GRIN2A: variants seen among roughly 807,000 people sequenced by gnomAD.
GRIN2A encodes glutamate ionotropic receptor NMDA type subunit 2A.
GRIN2A carries 22 observed loss-of-function variants against 113.4 expected under a neutral mutation model. The observed-to-expected ratio is 0.19, with a 90% CI of 0.14 to 0.28. The LOEUF is 0.28. Ranked by LOEUF, GRIN2A falls within the 10% of genes least tolerant of loss-of-function variation. GRIN2A has a pLI of 1.00. For synonymous variants in GRIN2A, 827 were observed against 738.4 expected (o/e 1.12, Z -1.94); for missense variants, 1,502 against 1,887.0 (o/e 0.80, Z 3.78).
At chr16:10,051,190 G>C (rs1042784178) in intron 2 of GRIN2A, among the ~76,000 whole-genome samples, 1 of 152,170 alleles carries the variant, frequency 6.6e-6, no homozygotes, top group African/African-American at 2.4e-5. Flanking sequence ...TGGGATTTTG[G>C]TGCTATAAGG....
chr16:9,971,726 A>G (rs779648313), intron 2 of GRIN2A, among the ~76,000 whole-genome samples: 2 of 152,212 alleles, frequency 1.3e-5, no homozygotes, highest in Non-Finnish European at 2.9e-5. Context: ...ACAGCAGAAG[A>G]TAGCCAGAGT....
chr16:10,042,873 G>A (rs979191514), intron 2 of GRIN2A, among the ~76,000 whole-genome samples: 3 of 152,168 alleles, frequency 2.0e-5, no homozygotes, highest in Admixed American at 1.3e-4. Flanking sequence ...TTTGGAACCA[G>A]CCTATGAGTA....
chr16:9,939,838 G>T (rs1305211185), intron 2 of GRIN2A, among the ~76,000 whole-genome samples: 2 of 152,088 alleles, frequency 1.3e-5, no homozygotes, highest in East Asian at 1.9e-4. Context: ...TAAACAGAAG[G>T]TATGCCTCTG....
chr16:9,970,721 TA>T, intron 2 of GRIN2A: 1 of 942,632 alleles, frequency 1.1e-6, no homozygotes, highest in Non-Finnish European at 1.3e-6. Context: ...ATAAAATAAA[TA>T]AAGCAGGCAG....
At chr16:10,143,444 T>C (rs2049370245) in intron 2 of GRIN2A, among the ~76,000 whole-genome samples, 1 of 152,152 alleles carries the variant, frequency 6.6e-6, no homozygotes, top group African/African-American at 2.4e-5. Flanking sequence ...TTGCTTGAAA[T>C]GAAGCTTAAG....
chr16:10,175,683 G>A (rs1596581995), intron 2 of GRIN2A, among the ~76,000 whole-genome samples: 1 of 152,204 alleles, frequency 6.6e-6, no homozygotes, highest in Non-Finnish European at 1.5e-5. Flanking sequence ...CAGAAGACAT[G>A]AGGCTTGCAT....
At chr16:9,986,178 A>T (rs915499575) in intron 2 of GRIN2A, among the ~76,000 whole-genome samples, 1 of 152,206 alleles carries the variant, frequency 6.6e-6, no homozygotes, top group African/African-American at 2.4e-5. Context: ...ATAAGAAAGG[A>T]AATCTGTAGA....
intron 2 of GRIN2A, among the ~76,000 whole-genome samples, chr16:10,172,536 G>A (rs2050063415): frequency 1.3e-5 from 2 of 152,240 alleles, no homozygotes; most frequent in African/African-American, 2.4e-5. Flanking sequence ...GTGAAGTGAA[G>A]TGAAGTGACT....
At chr16:10,073,209 G>T (rs2047795527) in intron 2 of GRIN2A, among the ~76,000 whole-genome samples, 1 of 152,044 alleles carries the variant, frequency 6.6e-6, no homozygotes, top group South Asian at 2.1e-4. Flanking sequence ...ACTTGCCTTG[G>T]CCTACCAAAA....
intron 2 of GRIN2A, among the ~76,000 whole-genome samples, chr16:10,083,098 AT>A (rs1401344993): frequency 6.6e-6 from 1 of 152,218 alleles, no homozygotes; most frequent in African/African-American, 2.4e-5. Flanking sequence ...AAAATAAAAA[AT>A]TTTCAAAGAA....
intron 2 of GRIN2A, among the ~76,000 whole-genome samples, chr16:10,026,711 G>A (rs760376668): frequency 6.6e-6 from 1 of 152,048 alleles, no homozygotes; most frequent in Non-Finnish European, 1.5e-5. Flanking sequence ...CTTAACAATG[G>A]CCCCAGGAAA....
chr16:9,791,688 A>C (rs1375180726), intron 11 of GRIN2A, among the ~76,000 whole-genome samples: 17 of 152,128 alleles, frequency 1.1e-4, no homozygotes, highest in Admixed American at 1.1e-3. Context: ...GAGAATTCTA[A>C]TTAGATACAA....
At chr16:10,037,732 C>A (rs1300443308) in intron 2 of GRIN2A, among the ~76,000 whole-genome samples, 3 of 152,052 alleles carry the variant, frequency 2.0e-5, no homozygotes, top group Non-Finnish European at 4.4e-5. Context: ...CTCAGGTGAT[C>A]CTCCCACCTC....
At chr16:10,150,286 T>G (rs1315886723) in intron 2 of GRIN2A, among the ~76,000 whole-genome samples, 1 of 152,156 alleles carries the variant, frequency 6.6e-6, no homozygotes. Context: ...GACCAAAACT[T>G]TAGGCACTGG....
chr16:10,100,089 G>C (rs2048363865), intron 2 of GRIN2A, among the ~76,000 whole-genome samples: 4 of 152,182 alleles, frequency 2.6e-5, no homozygotes, highest in South Asian at 2.1e-4. Flanking sequence ...CAGGTGAAGG[G>C]GGGACATGAG....
At chr16:9,941,174 G>A (rs184120461) in intron 2 of GRIN2A, among the ~76,000 whole-genome samples, 4 of 152,246 alleles carry the variant, frequency 2.6e-5, no homozygotes, top group African/African-American at 9.6e-5. Flanking sequence ...CTAATAAAAA[G>A]GGTCTATGAG....
intron 3 of GRIN2A, among the ~76,000 whole-genome samples, chr16:9,930,902 A>G (rs1205998631): frequency 6.6e-6 from 1 of 152,206 alleles, no homozygotes; most frequent in East Asian, 1.9e-4. Context: ...TCTCACATAT[A>G]TATCTTCCTT....
chr16:9,853,132 C>T (rs990194780), intron 4 of GRIN2A, among the ~76,000 whole-genome samples: 5 of 152,098 alleles, frequency 3.3e-5, no homozygotes, highest in Admixed American at 1.3e-4. Flanking sequence ...TGAGTTGCAT[C>T]GTGGCAGTTG....
intron 9 of GRIN2A, among the ~76,000 whole-genome samples, chr16:9,822,997 C>T (rs2042316875): frequency 6.6e-6 from 1 of 152,182 alleles, no homozygotes; most frequent in South Asian, 2.1e-4. Flanking sequence ...TATCTAGTGC[C>T]TAACATTCCC....
Sources: gnomAD v4.1 joint callset for allele counts (sites outside exome capture counted in the v4.1 genomes callset) on GRCh38, gnomAD v4.1.1 for gene constraint, MANE v1.5 for transcripts, NCBI Gene and HGNC (gene_info 2026-07-23, HGNC 2026-07-21) for gene names.